The following ADHFE1 variants were observed in gnomAD, a reference collection of about 807,000 sequenced individuals.
ADHFE1 encodes the protein hydroxyacid-oxoacid transhydrogenase, mitochondrial.
ADHFE1 carries 37 observed loss-of-function variants against 54.8 expected under a neutral mutation model. That is an observed-to-expected ratio of 0.68 (90% CI 0.52 to 0.89). The LOEUF (loss-of-function observed/expected upper bound fraction) is 0.89, where lower values mean the gene tolerates loss of function less well. Ranked by LOEUF, ADHFE1 falls within the 40% of genes least tolerant of loss-of-function variation. The pLI is 0.00. For missense variants in ADHFE1, 601 were observed against 591.2 expected (o/e 1.02, Z -0.17); for synonymous variants, 203 against 229.3 (o/e 0.89, Z 1.04).
intron 2 of ADHFE1, among the ~76,000 whole-genome samples, chr8:66,441,295 G>A (rs1016643650): frequency 6.6e-6 from 1 of 152,040 alleles, no homozygotes; most frequent in East Asian, 1.9e-4. Context: ...GGAGTACAGC[G>A]GTACAGTCGT....
intron 3 of ADHFE1, 80 bp from the exon 4 acceptor site, chr8:66,444,287 A>G (rs530540578): frequency 4.8e-5 from 66 of 1,364,840 alleles, no homozygotes; most frequent in Non-Finnish European, 6.3e-5. Context: ...CTAGGCAACA[A>G]GAAACCATTT....
intron 7 of ADHFE1, 43 bp from the exon 8 acceptor site, chr8:66,448,822 A>T: frequency 1.3e-6 from 2 of 1,503,700 alleles, no homozygotes; most frequent in Non-Finnish European, 1.8e-6. Flanking sequence ...TCTTAAAATG[A>T]TGCCCATGGC....
intron 3 of ADHFE1, among the ~76,000 whole-genome samples, chr8:66,443,710 G>A (rs1214767087): frequency 6.6e-6 from 1 of 152,036 alleles, no homozygotes; most frequent in East Asian, 1.9e-4. Flanking sequence ...AACCTTATAA[G>A]ATCACTGCCA....
Position 66,440,760 on chromosome 8 carries a change from A to G in ADHFE1, c.97+561A>G, listed in dbSNP as rs74875932. Among the ~76,000 whole-genome samples, 536 of 152,378 alleles carry G rather than the reference A, an allele frequency of 3.5e-3. 12 individuals carry two copies. The East Asian group carries it at 0.048, about 14-fold the overall frequency. The stretch of plus-strand genomic sequence containing the variant: ...GGTCCACAGAGCAGCAGGAAACTCA[A>G]CATAGTTTCAGCATGTCCTAAGAAT... On this transcript the variant is annotated intron_variant, in intron 2 of 13. Transcript: ENST00000396623.
chr8:66,453,725 T>C, intron 9 of ADHFE1: 1 of 1,374,510 alleles, frequency 7.3e-7, no homozygotes, highest in Non-Finnish European at 9.7e-7. Context: ...TCAACAGCAC[T>C]GACAAATGAA....
At chr8:66,434,528 T>C (rs1431758460) in intron 1 of ADHFE1, among the ~76,000 whole-genome samples, 7 of 152,178 alleles carry the variant, frequency 4.6e-5, no homozygotes, top group Admixed American at 3.3e-4. Context: ...TCTAATAGGG[T>C]AAACATTTTA....
intron 3 of ADHFE1, 27 bp from the exon 4 acceptor site, chr8:66,444,340 A>G: frequency 6.2e-7 from 1 of 1,611,852 alleles, no homozygotes; most frequent in Non-Finnish European, 8.5e-7. Flanking sequence ...AATACTCCCT[A>G]CACCTAAACC....
chr8:66,436,082 A>AT (rs1805452660), intron 1 of ADHFE1, among the ~76,000 whole-genome samples: 1 of 151,400 alleles, frequency 6.6e-6, no homozygotes, highest in Admixed American at 6.6e-5. Flanking sequence ...CACCTGGCTA[A>AT]TTTTTGTATT....
intron 10 of ADHFE1, among the ~76,000 whole-genome samples, chr8:66,455,749 G>A (rs965512446): frequency 3.3e-5 from 5 of 152,116 alleles, no homozygotes; most frequent in Admixed American, 6.5e-5. Context: ...GTGAAACCCC[G>A]TCTCTACAAA....
chr8:66,447,433 C>T, intron 7 of ADHFE1, 92 bp downstream of exon 7: 1 of 1,087,658 alleles, frequency 9.2e-7, no homozygotes, highest in South Asian at 1.4e-5. Flanking sequence ...AGTTATGATA[C>T]AGTTAGAATA....
chr8:66,444,110 G>A (rs1181387274), intron 3 of ADHFE1, among the ~76,000 whole-genome samples: 2 of 151,880 alleles, frequency 1.3e-5, no homozygotes, highest in Non-Finnish European at 1.5e-5. Flanking sequence ...GGCATTTGAA[G>A]CTAAGGGAAC....
At chr8:66,443,879 G>A (rs369524993) in intron 3 of ADHFE1, among the ~76,000 whole-genome samples, 12 of 151,898 alleles carry the variant, frequency 7.9e-5, no homozygotes, top group East Asian at 5.8e-4. Flanking sequence ...TATTTCAGGC[G>A]AAACATGACC....
chr8:66,456,904 A>AT lies in ADHFE1; in HGVS notation c.1065+10dup. On this transcript the variant is annotated intron_variant, in intron 11 of 13. Coordinates refer to ENST00000396623, the MANE Select transcript of ADHFE1 (RefSeq NM_144650.3). ...TGGATCACCCACTGGTGGTAAAATCATAAGAATAAATTATTTAATTAAATA... is the reference window on the plus strand; with the variant it reads ...TGGATCACCCACTGGTGGTAAAATCATTAAGAATAAATTATTTAATTAAATA... 6.7e-7 allele frequency: 1 copy of AT among 1,499,684 alleles called. No individual in the cohort carries two copies. Among genetic ancestry groups the AT allele is most frequent in the Non-Finnish European group, 8.9e-7 (1 of 1,122,642 alleles). 92.9% of individuals were successfully genotyped at this position (1,499,684 alleles called of 1,614,324 possible). A position where few individuals can be genotyped will look rare whatever the true frequency, so the allele number is the denominator to read the frequency against.
intron 13 of ADHFE1, among the ~76,000 whole-genome samples, chr8:66,466,355 G>C (rs1807186990): frequency 6.6e-6 from 1 of 151,612 alleles, no homozygotes; most frequent in South Asian, 2.1e-4. Context: ...CAAAGTGCTG[G>C]GACCACCGCA....
intron 12 of ADHFE1, among the ~76,000 whole-genome samples, chr8:66,457,693 A>T (rs1563493911): frequency 1.3e-5 from 2 of 152,242 alleles, no homozygotes; most frequent in Non-Finnish European, 2.9e-5. Context: ...ATATATGATT[A>T]AAAATGTCAG....
chr8:66,448,760 T>G, intron 7 of ADHFE1, 105 bp from the exon 8 acceptor site: 6 of 1,032,732 alleles, frequency 5.8e-6, no homozygotes, highest in Non-Finnish European at 7.2e-6. Context: ...AAATGAACCT[T>G]TTCTCATATT....
At chr8:66,455,350 G>C (rs912814143) in intron 10 of ADHFE1, among the ~76,000 whole-genome samples, 1 of 152,168 alleles carries the variant, frequency 6.6e-6, no homozygotes, top group African/African-American at 2.4e-5. Context: ...AAAAGAAAGG[G>C]ATCAGAATGC....
intron 1 of ADHFE1, chr8:66,432,784 C>T (rs1586422510): frequency 3.3e-6 from 4 of 1,229,438 alleles, no homozygotes; most frequent in Non-Finnish European, 4.1e-6. Flanking sequence ...AGTGAGGCAG[C>T]CTTTACTCTG....
chr8:66,459,426 ATATATT>A (rs1384822571), intron 12 of ADHFE1: 2 of 108,552 alleles, frequency 1.8e-5, no homozygotes, highest in Non-Finnish European at 3.6e-5. Flanking sequence ...ATATATATAT[ATATATT>A]TTTTTTTTTT....
Sources: allele counts gnomAD v4.1 joint callset (sites outside exome capture counted in the v4.1 genomes callset), GRCh38; gene constraint gnomAD v4.1.1; transcripts MANE v1.5; gene names NCBI Gene and HGNC (gene_info 2026-07-23, HGNC 2026-07-21).